Variants in CDH18 observed in about 807,000 individuals in gnomAD.
The protein encoded by CDH18 is cadherin-18.
Under a neutral mutation model 67.9 loss-of-function variants are expected in CDH18, and 31 were observed. That is an observed-to-expected ratio of 0.46 (90% CI 0.34 to 0.62). CDH18 has a LOEUF of 0.62. Among genes scored for constraint, CDH18 ranks in the 20% least tolerant of loss-of-function variants. The pLI, the probability that CDH18 is intolerant of heterozygous loss-of-function variation, is 0.01. For synonymous variants in CDH18, 362 were observed against 347.2 expected, an observed-to-expected ratio of 1.04 and a Z score of -0.48; for missense variants, 890 against 975.5, an observed-to-expected ratio of 0.91 and a Z score of 1.17.
intron 2 of CDH18, among the ~76,000 whole-genome samples, chr5:19,901,979 C>T (rs181443536): frequency 1.0e-3 from 153 of 152,004 alleles, no homozygotes; most frequent in African/African-American, 3.6e-3. Context: ...GTTTACCATG[C>T]GTATCATTAC....
intron 2 of CDH18, among the ~76,000 whole-genome samples, chr5:20,035,021 C>T (rs1015920909): frequency 6.6e-6 from 1 of 151,946 alleles, no homozygotes; most frequent in African/African-American, 2.4e-5. Flanking sequence ...CTTTCAAATC[C>T]ATTATATGAT....
chr5:19,543,024 C>T (rs969452600), intron 9 of CDH18, among the ~76,000 whole-genome samples: 41 of 152,140 alleles, frequency 2.7e-4, no homozygotes, highest in Middle Eastern at 6.8e-3. Flanking sequence ...GTGAAGTATT[C>T]TTAATCTCTA....
intron 2 of CDH18, among the ~76,000 whole-genome samples, chr5:19,896,721 G>T (rs1256443994): frequency 6.6e-6 from 1 of 152,162 alleles, no homozygotes; most frequent in Non-Finnish European, 1.5e-5. Flanking sequence ...TGATAATATT[G>T]CATAGAAACA....
At chr5:19,602,649 A>C (rs1397171158) in intron 6 of CDH18, among the ~76,000 whole-genome samples, 13 of 152,014 alleles carry the variant, frequency 8.6e-5, no homozygotes, top group Admixed American at 8.5e-4. Context: ...CATTGTGGAG[A>C]ACAGTATGGA....
At chr5:19,971,040 T>G (rs1350993020) in intron 2 of CDH18, among the ~76,000 whole-genome samples, 1 of 151,964 alleles carries the variant, frequency 6.6e-6, no homozygotes, top group Non-Finnish European at 1.5e-5. Context: ...TTTTAGATTT[T>G]ATTCTAAAAG....
chr5:20,256,083 T>C (rs1359110009), intron 1 of CDH18, among the ~76,000 whole-genome samples: 2 of 151,950 alleles, frequency 1.3e-5, no homozygotes, highest in Non-Finnish European at 2.9e-5. Flanking sequence ...TGTTCTAGAA[T>C]TGTGACTATT....
At chr5:20,358,423 G>T (rs759159819) in intron 1 of CDH18, among the ~76,000 whole-genome samples, 1 of 152,164 alleles carries the variant, frequency 6.6e-6, no homozygotes, top group African/African-American at 2.4e-5. Context: ...TTCCTATCAG[G>T]TGATAAAGGG....
At chr5:20,501,598 A>C (rs1481289862) in intron 1 of CDH18, among the ~76,000 whole-genome samples, 16 of 60,432 alleles carry the variant, frequency 2.6e-4, no homozygotes, top group Non-Finnish European at 5.0e-4. Context: ...TATATATTAT[A>C]TATATATATA....
chr5:20,414,058 A>T (rs1747055255), intron 1 of CDH18, among the ~76,000 whole-genome samples: 1 of 152,172 alleles, frequency 6.6e-6, no homozygotes, highest in Non-Finnish European at 1.5e-5. Context: ...GTTGGCAAGG[A>T]TTTTGAGAAA....
intron 4 of CDH18, among the ~76,000 whole-genome samples, chr5:19,738,091 T>G (rs2150680631): frequency 6.6e-6 from 1 of 152,278 alleles, no homozygotes; most frequent in South Asian, 2.1e-4. Flanking sequence ...TGTATATAAT[T>G]TGGGTTTACT....
At chr5:20,202,442 T>A (rs1316783144) in intron 2 of CDH18, among the ~76,000 whole-genome samples, 1 of 152,100 alleles carries the variant, frequency 6.6e-6, no homozygotes, top group East Asian at 1.9e-4. Flanking sequence ...TTGTATAGCT[T>A]TATATACACT....
rs2126484291 is a variant in CDH18 at position 19,473,044 on chromosome 5, T to G, written c.*182A>C. 3.6e-6 allele frequency: 2 copies of G among 557,500 alleles called. No homozygotes were observed. The highest frequency in any genetic ancestry group is 3.1e-5 in the East Asian group (1 of 32,534). The allele number at this position is 557,500 out of a possible 1,614,324, so 34.5% of individuals were successfully genotyped here. On this transcript the variant is annotated 3_prime_UTR_variant, in exon 13 of 13. Coordinates refer to ENST00000382275, the MANE Select transcript of CDH18 (RefSeq NM_004934.5). ...CTTTGTATTGTCTTTTTTTTTTTTTTTTTACTTTCTTCCAATTAAATAACC... is the reference window on the plus strand; with the variant it reads ...CTTTGTATTGTCTTTTTTTTTTTTTGTTTACTTTCTTCCAATTAAATAACC...
At chr5:19,505,353 T>C (rs1484880734) in intron 10 of CDH18, among the ~76,000 whole-genome samples, 5 of 152,130 alleles carry the variant, frequency 3.3e-5, no homozygotes, top group African/African-American at 1.2e-4. Flanking sequence ...TCCAACACTA[T>C]GTTGAATAGG....
At chr5:20,299,521 G>A (rs776750098) in intron 1 of CDH18, among the ~76,000 whole-genome samples, 1 of 151,826 alleles carries the variant, frequency 6.6e-6, no homozygotes, top group African/African-American at 2.4e-5. Context: ...AGCACTTTGG[G>A]AGCCCGATGC....
chr5:20,252,593 G>A (rs1021309366), intron 2 of CDH18, among the ~76,000 whole-genome samples: 12 of 151,984 alleles, frequency 7.9e-5, no homozygotes, highest in African/African-American at 2.7e-4. Flanking sequence ...ACCTCTAAAA[G>A]TTGGCATAAT....
chr5:19,863,617 G>A lies in CDH18; in HGVS notation c.-256-24375C>T, dbSNP rs192799249. On this transcript the variant is annotated intron_variant, in intron 2 of 12. Coordinates refer to ENST00000382275, the MANE Select transcript of CDH18 (RefSeq NM_004934.5). ...TGTGCCCATGCTCAGCCCCCACTAAGAGAAACTGCAATAATAGAACATGAT... is the reference window on the plus strand; with the variant it reads ...TGTGCCCATGCTCAGCCCCCACTAAAAGAAACTGCAATAATAGAACATGAT... 3.1e-3 allele frequency among the ~76,000 whole-genome samples: 478 copies of A among 152,236 alleles called. 2 individuals carry two copies. Among genetic ancestry groups the A allele is most frequent in the African/African-American group, 9.3e-3 (385 of 41,550 alleles).
At chr5:20,102,464 G>A (rs1746557254) in intron 2 of CDH18, among the ~76,000 whole-genome samples, 1 of 152,136 alleles carries the variant, frequency 6.6e-6, no homozygotes, top group Non-Finnish European at 1.5e-5. Flanking sequence ...AAAAGGAAAT[G>A]TAACATGTGC....
chr5:19,531,276 T>G (rs1748576508), intron 9 of CDH18, among the ~76,000 whole-genome samples: 1 of 152,086 alleles, frequency 6.6e-6, no homozygotes, highest in Admixed American at 6.6e-5. Flanking sequence ...AATAAAAATC[T>G]AAATAACTTT....
chr5:19,882,775 T>C (rs1464254892), intron 2 of CDH18, among the ~76,000 whole-genome samples: 2 of 152,062 alleles, frequency 1.3e-5, no homozygotes, highest in Admixed American at 1.3e-4. Flanking sequence ...CCTAAGAGAA[T>C]GCCAGAAAAA....
Sources: allele counts gnomAD v4.1 joint callset (sites outside exome capture counted in the v4.1 genomes callset), GRCh38; gene constraint gnomAD v4.1.1; transcripts MANE v1.5; gene names NCBI Gene and HGNC (gene_info 2026-07-23, HGNC 2026-07-21).